Variants in EIF2AK4 observed in about 807,000 individuals in gnomAD.
EIF2AK4 encodes the protein eukaryotic translation initiation factor 2 alpha kinase 4, also known as eIF-2-alpha kinase GCN2.
In EIF2AK4, 139 loss-of-function variants were observed where a neutral mutation model predicts 211.1. The ratio of observed to expected loss-of-function variants is 0.66; its 90% CI spans 0.57 to 0.76. The LOEUF (loss-of-function observed/expected upper bound fraction) is 0.76, where lower values mean the gene tolerates loss of function less well. Among genes scored for constraint, EIF2AK4 ranks in the 30% least tolerant of loss-of-function variants. EIF2AK4 has a pLI of 0.00. For missense variants in EIF2AK4, 1,664 were observed against 2,043.8 expected, an observed-to-expected ratio of 0.81 and a Z score of 3.58; for synonymous variants, 710 against 751.3, an observed-to-expected ratio of 0.94 and a Z score of 0.90.
rs1217256415 is a variant in EIF2AK4 at position 39,996,945 on chromosome 15, AATT to A, written c.2767-15_2767-13del. ...TTTCATATCAAGGCTCTCTAAATGC[AATT>A]ATTCTTCCCCCTCAGAAAGTGGATC... On this transcript the variant is annotated splice_polypyrimidine_tract_variant and intron_variant, in intron 18 of 38. Transcript: ENST00000263791. 6.5e-7 allele frequency: 1 copy of A among 1,528,360 alleles called. No homozygotes were observed. The highest frequency in any genetic ancestry group is 1.4e-5 in the African/African-American group (1 of 73,016). 94.7% of individuals were successfully genotyped at this position (1,528,360 alleles called of 1,614,324 possible). A position where few individuals can be genotyped will look rare whatever the true frequency, so the allele number is the denominator to read the frequency against.
In EIF2AK4 at chr15:39,980,056, A is replaced by C. The variant is rs74615656; in HGVS notation, c.2319+1909A>C. 5.4e-3 allele frequency among the ~76,000 whole-genome samples: 816 copies of C among 152,320 alleles called. 4 individuals are homozygous for C. Among genetic ancestry groups the C allele is most frequent in the African/African-American group, 0.019 (790 of 41,574 alleles). On this transcript the variant is annotated intron_variant, in intron 13 of 38. Transcript: ENST00000263791. ...ATTTGCTGGCTAGTCGCTGATTTGT[A>C]TGCACTATAAAACATTCCATAAATA...
chr15:40,002,859 G>C (rs988815602), intron 22 of EIF2AK4, 71 bp downstream of exon 22: 2 of 1,506,848 alleles, frequency 1.3e-6, no homozygotes, highest in Non-Finnish European at 1.8e-6. Context: ...AGTACTGTTA[G>C]TGTTCGGGCA....
chr15:40,010,201 C>T (rs1595427619), intron 26 of EIF2AK4, among the ~76,000 whole-genome samples: 3 of 152,326 alleles, frequency 2.0e-5, no homozygotes, highest in Admixed American at 2.0e-4. Flanking sequence ...ACCAGTGCTG[C>T]TATTACCTTT....
chr15:39,935,928 G>A (rs1025959463), intron 1 of EIF2AK4, among the ~76,000 whole-genome samples: 1 of 152,156 alleles, frequency 6.6e-6, no homozygotes, highest in Admixed American at 6.5e-5. Flanking sequence ...CAGAGAAGTT[G>A]GTGACTGGGG....
intron 9 of EIF2AK4, among the ~76,000 whole-genome samples, chr15:39,971,088 C>T (rs1006702793): frequency 6.6e-6 from 1 of 152,106 alleles, no homozygotes; most frequent in Admixed American, 6.5e-5. Flanking sequence ...CTACTTGGGC[C>T]GTTGTAATGA....
In EIF2AK4 at chr15:40,003,269, C is replaced by T. The variant is rs909487206; in HGVS notation, c.3312C>T (p.Phe1104=). Residue 1104 remains phenylalanine (F), a synonymous_variant, in exon 23 of 39, where the codon TTC becomes TTT. Coordinates refer to ENST00000263791, the MANE Select transcript of EIF2AK4 (RefSeq NM_001013703.4). ...QIYEHNEAAL[F]MDHSGMLVML... ...ATGAGCACAACGAAGCTGCCCTATT[C>T]ATGGACCACAGCGGGATGCTGGTGA... 1.2e-6 allele frequency: 2 copies of T among 1,614,192 alleles called. No homozygotes were observed. Among genetic ancestry groups the T allele is most frequent in the South Asian group, 1.1e-5 (1 of 91,080 alleles).
At chr15:40,011,246 G>C in intron 26 of EIF2AK4, 35 bp from the exon 27 acceptor site, 4 of 1,598,006 alleles carry the variant, frequency 2.5e-6, no homozygotes, top group Non-Finnish European at 3.4e-6. Context: ...GCCAGATTTC[G>C]CGACTCTCAT....
chr15:39,948,999 T>C, intron 3 of EIF2AK4, 117 bp from the exon 4 acceptor site: 2 of 1,196,542 alleles, frequency 1.7e-6, no homozygotes, highest in Non-Finnish European at 2.4e-6. Flanking sequence ...TCAAAATGAA[T>C]AATGGCATTC....
Position 39,973,027 on chromosome 15 carries a change from CCTTT to C in EIF2AK4, c.1660+18_1660+21del. ...CAAAGTCCTGAAGGTGAGTCTGTTA[CCTTT>C]CTTTATTTGGTAACCTGTTTGACAT... On this transcript the variant is annotated intron_variant, in intron 10 of 38. Transcript: ENST00000263791. The C allele has an allele frequency of 6.2e-7, 1 of 1,604,714 alleles. No homozygotes were observed.
At chr15:40,024,351 A>G (rs1367896759) in intron 32 of EIF2AK4, among the ~76,000 whole-genome samples, 3 of 136,486 alleles carry the variant, frequency 2.2e-5, no homozygotes, top group South Asian at 2.3e-4. Context: ...TAACTTATCT[A>G]TCTTTATATT....
chr15:40,031,966 T>TC (rs2035550025), intron 35 of EIF2AK4, among the ~76,000 whole-genome samples: 1 of 152,180 alleles, frequency 6.6e-6, no homozygotes, highest in Non-Finnish European at 1.5e-5. Context: ...CCTCAGGTGA[T>TC]CCCCCAGCCT....
chr15:39,970,859 A>G (rs1050205832), intron 9 of EIF2AK4, among the ~76,000 whole-genome samples: 2 of 152,220 alleles, frequency 1.3e-5, no homozygotes, highest in Admixed American at 1.3e-4. Context: ...AAAATACGGT[A>G]TCTTATACAA....
At chr15:40,008,227 C>T (rs755628743) in intron 25 of EIF2AK4, 32 bp downstream of exon 25, 22 of 1,560,682 alleles carry the variant, frequency 1.4e-5, no homozygotes, top group Non-Finnish European at 1.7e-5. Context: ...TTCCAAGATT[C>T]CCCACTATAT....
intron 3 of EIF2AK4, among the ~76,000 whole-genome samples, chr15:39,948,258 C>T (rs981894789): frequency 7.2e-5 from 11 of 152,104 alleles, no homozygotes; most frequent in South Asian, 2.1e-4. Flanking sequence ...CCTTTAGAAA[C>T]GGTTTCAAAC....
At position 40,035,240 on chromosome 15, in the gene EIF2AK4, C is replaced by A; in HGVS notation, c.*156C>A. Reference sequence around the variant, plus strand: ...ATCCCAGCACTTTGGGAAGCCAAGGCAGGAAGACTGCTTGAAACCAGGAGT... The same window carrying A: ...ATCCCAGCACTTTGGGAAGCCAAGGAAGGAAGACTGCTTGAAACCAGGAGT... On this transcript the variant is annotated 3_prime_UTR_variant, in exon 39 of 39. Coordinates refer to ENST00000263791, the MANE Select transcript of EIF2AK4 (RefSeq NM_001013703.4). The A allele has an allele frequency of 2.1e-6, 1 of 468,978 alleles. No homozygotes were observed. The highest frequency in any genetic ancestry group is 3.6e-6 in the Non-Finnish European group (1 of 281,184). 29.1% of individuals were successfully genotyped at this position (468,978 alleles called of 1,614,324 possible). A position where few individuals can be genotyped will look rare whatever the true frequency, so the allele number is the denominator to read the frequency against.
At chr15:39,950,602 AAAAAG>A (rs1318713135) in intron 4 of EIF2AK4, among the ~76,000 whole-genome samples, 67 of 152,052 alleles carry the variant, frequency 4.4e-4, no homozygotes, top group Admixed American at 2.6e-3. Flanking sequence ...AAAAAAAAAA[AAAAAG>A]AAAAGAAAAG....
Position 40,035,110 on chromosome 15 carries a change from T to C in EIF2AK4, c.*26T>C, listed in dbSNP as rs749930475. The C allele has an allele frequency of 8.7e-6, 13 of 1,489,082 alleles. No individual in the cohort carries two copies. In the South Asian group the frequency reaches 1.5e-4, roughly 17 times the overall value. The allele number at this position is 1,489,082 out of a possible 1,614,324, so 92.2% of individuals were successfully genotyped here. On this transcript the variant is annotated 3_prime_UTR_variant, in exon 39 of 39. Transcript: ENST00000263791. ...CCCTAAAGAACTGTCGTTAACCTCA[T>C]TCAAACAGACAGAGGCTTATACTGG...
intron 3 of EIF2AK4, among the ~76,000 whole-genome samples, chr15:39,944,818 A>G (rs1174570432): frequency 6.6e-6 from 1 of 152,204 alleles, no homozygotes; most frequent in Non-Finnish European, 1.5e-5. Flanking sequence ...ACCAAAGATA[A>G]CCATTCATCT....
At chr15:40,019,592 T>C (rs2035355591) in intron 30 of EIF2AK4, among the ~76,000 whole-genome samples, 1 of 152,164 alleles carries the variant, frequency 6.6e-6, no homozygotes, top group Non-Finnish European at 1.5e-5. Context: ...TGTTGTGGAC[T>C]GCACATGGAA....
Sources: allele counts gnomAD v4.1 joint callset (sites outside exome capture counted in the v4.1 genomes callset), GRCh38; gene constraint gnomAD v4.1.1; transcripts MANE v1.5; gene names NCBI Gene and HGNC (gene_info 2026-07-23, HGNC 2026-07-21).